Variants in DYNC2I1 observed in about 807,000 individuals in gnomAD.
The protein encoded by DYNC2I1 is dynein 2 intermediate chain 1.
In DYNC2I1, 89 loss-of-function variants were observed where a neutral mutation model predicts 133.4. That is an observed-to-expected ratio of 0.67 (90% CI 0.56 to 0.80). DYNC2I1 has a LOEUF of 0.80. Among genes scored for constraint, DYNC2I1 ranks in the 30% least tolerant of loss-of-function variants. The pLI is 0.00. For synonymous variants in DYNC2I1, 504 were observed against 484.3 expected (o/e 1.04, Z -0.54); for missense variants, 1,291 against 1,314.5 (o/e 0.98, Z 0.28).
chr7:158,944,761 A>G (rs1851711767), intron 24 of DYNC2I1, among the ~76,000 whole-genome samples: 1 of 152,192 alleles, frequency 6.6e-6, no homozygotes, highest in Non-Finnish European at 1.5e-5. Context: ...GATGGCACCA[A>G]GTTGGATCTC....
intron 1 of DYNC2I1, among the ~76,000 whole-genome samples, chr7:158,863,867 A>G (rs1256025612): frequency 1.9e-4 from 7 of 36,798 alleles, no homozygotes; most frequent in Admixed American, 8.1e-4. Flanking sequence ...AGGGTGTTGG[A>G]GGGGGGAGCG....
intron 15 of DYNC2I1, among the ~76,000 whole-genome samples, chr7:158,920,768 G>A (rs546058379): frequency 6.6e-6 from 1 of 152,338 alleles, no homozygotes; most frequent in South Asian, 2.1e-4. Context: ...ATGAGACGGA[G>A]TGTGTGGGTT....
chr7:158,910,436 T>A (rs1444015351), intron 11 of DYNC2I1, among the ~76,000 whole-genome samples: 1 of 143,208 alleles, frequency 7.0e-6, no homozygotes, highest in Non-Finnish European at 1.5e-5. Context: ...GTCAGGCCTG[T>A]GGGCCGAGGG....
chr7:158,928,292 C>G (rs376753604), intron 20 of DYNC2I1, among the ~76,000 whole-genome samples: 2 of 150,782 alleles, frequency 1.3e-5, no homozygotes, highest in Non-Finnish European at 1.5e-5. Flanking sequence ...TCTTTCTCAC[C>G]TCATTGGCCT....
At chr7:158,911,472 T>C in intron 11 of DYNC2I1, 78 bp from the exon 12 acceptor site, 1 of 1,487,992 alleles carries the variant, frequency 6.7e-7, no homozygotes, top group Non-Finnish European at 9.1e-7. Context: ...TAACTCTAAG[T>C]TTACTTCTGT....
Position 158,897,395 on chromosome 7 carries a change from G to A in DYNC2I1, c.1060-4344G>A, listed in dbSNP as rs565047381. Among the ~76,000 whole-genome samples, 3 of 152,228 alleles carry A rather than the reference G, an allele frequency of 2.0e-5. No homozygotes were observed. In the East Asian group the frequency reaches 5.8e-4, roughly 29 times the overall value. On this transcript the variant is annotated intron_variant, in intron 8 of 24. Transcript: ENST00000407559. ...GGCCTTGTGTTTTCTTTTTTAGAAGGTTATTAATTATTGACTTGATGTCTT... is the reference window on the plus strand; with the variant it reads ...GGCCTTGTGTTTTCTTTTTTAGAAGATTATTAATTATTGACTTGATGTCTT...
the DYNC2I1 span, among the ~76,000 whole-genome samples, chr7:158,847,422 A>G: frequency 1.3e-5 from 2 of 152,150 alleles, no homozygotes; most frequent in African/African-American, 2.4e-5. Context: ...AATTATATAG[A>G]TTAAACTAAA....
At chr7:158,888,275 G>A (rs1329610422) in intron 7 of DYNC2I1, among the ~76,000 whole-genome samples, 1 of 151,804 alleles carries the variant, frequency 6.6e-6, no homozygotes, top group Admixed American at 6.6e-5. Flanking sequence ...TGCCGACCTC[G>A]GCCTCCCAAA....
rs1344413404 is a variant in DYNC2I1 at position 158,945,363 on chromosome 7, A to T, written c.3003-218A>T. ...GAGGAGACAGCAGCACGTCCTCATC[A>T]CTTACCTCTGCGAAGTTCCATCTGG... On this transcript the variant is annotated intron_variant, in intron 24 of 24. Coordinates refer to ENST00000407559, the MANE Select transcript of DYNC2I1 (RefSeq NM_018051.5). The surrounding 1 kb of genome is among the most constrained non-coding windows in gnomAD (Gnocchi z 4.1). Among the ~76,000 whole-genome samples the T allele has an allele frequency of 1.3e-5, 2 of 152,172 alleles. No individual in the cohort carries two copies. The highest frequency in any genetic ancestry group is 4.8e-5 in the African/African-American group (2 of 41,440).
chr7:158,927,357 C>G (rs1361990054), intron 20 of DYNC2I1, among the ~76,000 whole-genome samples: 1 of 150,486 alleles, frequency 6.6e-6, no homozygotes, highest in Non-Finnish European at 1.5e-5. Flanking sequence ...GAGCCGTGAT[C>G]ATGCCACTAC....
intron 1 of DYNC2I1, among the ~76,000 whole-genome samples, chr7:158,857,473 A>G (rs1287365476): frequency 6.7e-6 from 1 of 149,780 alleles, no homozygotes; most frequent in Non-Finnish European, 1.5e-5. Context: ...TTTCCCCATC[A>G]CTTACCTTTA....
intron 1 of DYNC2I1, 101 bp from the exon 2 acceptor site, chr7:158,869,752 GAA>G (rs1201062580): frequency 3.6e-6 from 3 of 830,306 alleles, no homozygotes; most frequent in African/African-American, 1.7e-5. Context: ...GGCATGTCAA[GAA>G]TTAACTGCCA....
At chr7:158,898,103 A>G (rs1845912877) in intron 8 of DYNC2I1, among the ~76,000 whole-genome samples, 1 of 152,222 alleles carries the variant, frequency 6.6e-6, no homozygotes, top group African/African-American at 2.4e-5. Flanking sequence ...ACCTGAGAGC[A>G]GATGTATAAT....
intron 8 of DYNC2I1, among the ~76,000 whole-genome samples, chr7:158,894,626 G>A (rs1182653058): frequency 6.6e-6 from 1 of 152,170 alleles, no homozygotes; most frequent in Non-Finnish European, 1.5e-5. Flanking sequence ...CCAAGTTTTG[G>A]CAAGTATGAA....
chr7:158,842,788 C>CA, the DYNC2I1 span, among the ~76,000 whole-genome samples: 6 of 152,174 alleles, frequency 3.9e-5, no homozygotes, highest in Non-Finnish European at 8.8e-5. Context: ...GTGTCTGAAG[C>CA]AAGTAGAAAG....
intron 1 of DYNC2I1, among the ~76,000 whole-genome samples, chr7:158,858,865 CT>C (rs1198367261): frequency 1.5e-5 from 1 of 65,322 alleles, no homozygotes; most frequent in East Asian, 6.5e-4. Context: ...CTCCCCTCCC[CT>C]TTCCCCTGCC....
At chr7:158,921,868 C>T (rs921835608) in intron 15 of DYNC2I1, among the ~76,000 whole-genome samples, 2 of 152,222 alleles carry the variant, frequency 1.3e-5, no homozygotes, top group Admixed American at 1.3e-4. Flanking sequence ...GAGCTGCCGG[C>T]ACGGCCAGCA....
At chr7:158,893,316 T>C (rs902672790) in intron 8 of DYNC2I1, among the ~76,000 whole-genome samples, 3 of 152,184 alleles carry the variant, frequency 2.0e-5, no homozygotes, top group South Asian at 2.1e-4. Flanking sequence ...GAGTGTCTTA[T>C]ACAGCTGCTC....
At chr7:158,864,116 G>GGT (rs1842183962) in intron 1 of DYNC2I1, among the ~76,000 whole-genome samples, 1 of 148,734 alleles carries the variant, frequency 6.7e-6, no homozygotes, top group African/African-American at 2.5e-5. Flanking sequence ...CTTAGCTCCG[G>GGT]GTGTGGGGGG....
Sources: gnomAD v4.1 joint callset for allele counts (sites outside exome capture counted in the v4.1 genomes callset) on GRCh38, gnomAD v4.1.1 for gene constraint, Gnocchi (gnomAD v3.1) non-coding constraint, MANE v1.5 for transcripts, NCBI Gene and HGNC (gene_info 2026-07-23, HGNC 2026-07-21) for gene names.